Variants in LRRC4C observed in about 807,000 individuals in gnomAD.
LRRC4C encodes leucine-rich repeat-containing protein 4C.
Under a neutral mutation model 33.6 loss-of-function variants are expected in LRRC4C, and 5 were observed. That is an observed-to-expected ratio of 0.15 (90% CI 0.08 to 0.31). The LOEUF (loss-of-function observed/expected upper bound fraction) is 0.31, where lower values mean the gene tolerates loss of function less well. Among genes scored for constraint, LRRC4C ranks in the 10% least tolerant of loss-of-function variants. LRRC4C has a pLI of 1.00. For synonymous variants in LRRC4C, 329 were observed against 302.0 expected, an observed-to-expected ratio of 1.09 and a Z score of -0.93; for missense variants, 560 against 796.7, an observed-to-expected ratio of 0.70 and a Z score of 3.58.
intron 1 of LRRC4C, among the ~76,000 whole-genome samples, chr11:41,066,784 C>G (rs1024771790): frequency 1.3e-5 from 2 of 152,096 alleles, no homozygotes; most frequent in African/African-American, 4.8e-5. Context: ...AAAAGAATTT[C>G]CAACCCAGAA....
At chr11:40,800,056 T>C (rs966679077) in intron 2 of LRRC4C, among the ~76,000 whole-genome samples, 1 of 152,116 alleles carries the variant, frequency 6.6e-6, no homozygotes, top group East Asian at 1.9e-4. Flanking sequence ...AATGTTTTAG[T>C]ACAGATATTG....
At chr11:40,575,897 T>C (rs1958172043) in intron 3 of LRRC4C, among the ~76,000 whole-genome samples, 1 of 152,190 alleles carries the variant, frequency 6.6e-6, no homozygotes, top group Admixed American at 6.5e-5. Flanking sequence ...TTGCAAAATA[T>C]GGTGCATGTT....
intron 3 of LRRC4C, among the ~76,000 whole-genome samples, chr11:40,582,747 C>T (rs1017079492): frequency 6.6e-6 from 1 of 151,970 alleles, no homozygotes; most frequent in Admixed American, 6.6e-5. Flanking sequence ...GAACTCCTAA[C>T]CTCAGGTGAT....
intron 5 of LRRC4C, among the ~76,000 whole-genome samples, chr11:40,213,632 A>G (rs1269623472): frequency 6.6e-6 from 1 of 152,190 alleles, no homozygotes; most frequent in African/African-American, 2.4e-5. Context: ...GGTATCTACT[A>G]TACACGTATG....
chr11:40,983,890 T>A (rs1852722741), intron 1 of LRRC4C, among the ~76,000 whole-genome samples: 1 of 152,160 alleles, frequency 6.6e-6, no homozygotes, highest in Non-Finnish European at 1.5e-5. Flanking sequence ...CCCAATGTTG[T>A]AGTCATTAGT....
intron 1 of LRRC4C, among the ~76,000 whole-genome samples, chr11:41,257,172 ACCAG>A (rs1380287130): frequency 6.6e-6 from 1 of 151,968 alleles, no homozygotes; most frequent in African/African-American, 2.4e-5. Context: ...AGTTCAAACA[ACCAG>A]CCATCACCCC....
chr11:40,693,475 T>C lies in LRRC4C; in HGVS notation c.-406-45197A>G, dbSNP rs11036023. Among the ~76,000 whole-genome samples the C allele has an allele frequency of 1.6e-3, 242 of 152,226 alleles. 3 individuals are homozygous for C. The East Asian group carries it at 0.021, about 13-fold the overall frequency. On this transcript the variant is annotated intron_variant, in intron 2 of 6. Coordinates refer to ENST00000528697, the MANE Select transcript of LRRC4C (RefSeq NM_001258419.2). ...ATCTGAATGAAGCAAAGTACATGTG[T>C]GTAGGGTGAGGGCCGGGCTCTGCAG...
chr11:40,760,365 A>C (rs1009210468), intron 2 of LRRC4C, among the ~76,000 whole-genome samples: 1 of 151,216 alleles, frequency 6.6e-6, no homozygotes, highest in Admixed American at 6.6e-5. Flanking sequence ...TGCAACGGAG[A>C]CCATATGGCT....
At chr11:40,609,799 A>C (rs1285804592) in intron 3 of LRRC4C, among the ~76,000 whole-genome samples, 1 of 151,916 alleles carries the variant, frequency 6.6e-6, no homozygotes, top group Non-Finnish European at 1.5e-5. Flanking sequence ...ACCTAGAAGA[A>C]ATTAATAGAT....
At chr11:40,521,153 G>C (rs1387621095) in intron 3 of LRRC4C, among the ~76,000 whole-genome samples, 1 of 152,102 alleles carries the variant, frequency 6.6e-6, no homozygotes, top group Non-Finnish European at 1.5e-5. Context: ...GGAGCTAATG[G>C]GGAAATCAAT....
intron 2 of LRRC4C, among the ~76,000 whole-genome samples, chr11:40,810,928 G>A (rs1391646545): frequency 6.6e-6 from 1 of 152,054 alleles, no homozygotes; most frequent in Non-Finnish European, 1.5e-5. Context: ...CTTGCTTTAA[G>A]TTTTCCAATG....
At chr11:41,239,906 T>G (rs1948182474) in intron 1 of LRRC4C, among the ~76,000 whole-genome samples, 1 of 152,246 alleles carries the variant, frequency 6.6e-6, no homozygotes, top group Admixed American at 6.5e-5. Flanking sequence ...TATTGGTGAC[T>G]GCTAAGTACA....
intron 1 of LRRC4C, among the ~76,000 whole-genome samples, chr11:41,337,776 C>T (rs1951502570): frequency 6.6e-6 from 1 of 151,858 alleles, no homozygotes; most frequent in Non-Finnish European, 1.5e-5. Context: ...GAAAATTTTA[C>T]AATTTATCCA....
In LRRC4C at chr11:41,219,449, G is replaced by A. The variant is rs541135516; in HGVS notation, c.-496+239982C>T. Among the ~76,000 whole-genome samples the A allele has an allele frequency of 5.1e-4, 78 of 152,312 alleles. 1 individual carries two copies. The South Asian group carries it at 0.013, about 26-fold the overall frequency. On this transcript the variant is annotated intron_variant, in intron 1 of 6. Transcript: ENST00000528697. ...GAGGAAGTTTACAGAAGCCCATATC[G>A]GAAGACTGCCTTCAACTAAAACTGA...
At chr11:40,885,264 A>G (rs778991277) in intron 2 of LRRC4C, among the ~76,000 whole-genome samples, 92 of 151,678 alleles carry the variant, frequency 6.1e-4, no homozygotes, top group Admixed American at 6.6e-4. Context: ...TATTTAGCTA[A>G]AATATGGACA....
chr11:41,303,420 G>A (rs1007684420), intron 1 of LRRC4C, among the ~76,000 whole-genome samples: 3 of 130,110 alleles, frequency 2.3e-5, no homozygotes, highest in African/African-American at 2.8e-5. Flanking sequence ...GTGCAGGGGC[G>A]TGATCTCGGC....
intron 2 of LRRC4C, among the ~76,000 whole-genome samples, chr11:40,858,019 A>C (rs1455233168): frequency 7.6e-5 from 8 of 104,698 alleles, no homozygotes; most frequent in East Asian, 2.7e-4. Flanking sequence ...CAAGGAAAGG[A>C]AGGGAAGGGA....
At position 41,317,174 on chromosome 11, in the gene LRRC4C, TG is replaced by T. The variant is rs1252897557; in HGVS notation, c.-496+142256del. Among the ~76,000 whole-genome samples, 10 of 152,278 alleles carry T rather than the reference TG, an allele frequency of 6.6e-5. No individual in the cohort carries two copies. In the East Asian group the frequency reaches 1.7e-3, roughly 26 times the overall value. On this transcript the variant is annotated intron_variant, in intron 1 of 6. Coordinates refer to ENST00000528697, the MANE Select transcript of LRRC4C (RefSeq NM_001258419.2). ...CAAATTAGTCTAGATCAGGTCAACCTGGGTTCAGTTCTAGTTTCCTTGCAGT... is the reference window on the plus strand; with the variant it reads ...CAAATTAGTCTAGATCAGGTCAACCTGGTTCAGTTCTAGTTTCCTTGCAGT...
intron 2 of LRRC4C, among the ~76,000 whole-genome samples, chr11:40,874,283 C>T (rs1434164497): frequency 2.6e-5 from 4 of 152,142 alleles, no homozygotes; most frequent in African/African-American, 9.7e-5. Context: ...AGTGTGGACA[C>T]AGCTTTATTT....
Sources: gnomAD v4.1 joint callset for allele counts (sites outside exome capture counted in the v4.1 genomes callset) on GRCh38, gnomAD v4.1.1 for gene constraint, MANE v1.5 for transcripts, NCBI Gene and HGNC (gene_info 2026-07-23, HGNC 2026-07-21) for gene names.